Variants in SLC4A10 observed in about 807,000 individuals in gnomAD.
SLC4A10 encodes the protein sodium-driven chloride bicarbonate exchanger.
Under a neutral mutation model 137.7 loss-of-function variants are expected in SLC4A10, and 42 were observed. The observed-to-expected ratio is 0.30, with a 90% CI of 0.24 to 0.39. The LOEUF (loss-of-function observed/expected upper bound fraction) is 0.39. Among genes scored for constraint, SLC4A10 ranks in the 10% least tolerant of loss-of-function variants. The probability of loss-of-function intolerance (pLI) is 1.00; values close to 1 mark genes in which losing one functional copy is unlikely to be tolerated. For missense variants in SLC4A10, 925 were observed against 1,355.0 expected, an observed-to-expected ratio of 0.68 and a Z score of 4.98; for synonymous variants, 474 against 464.1, an observed-to-expected ratio of 1.02 and a Z score of -0.27.
intron 1 of SLC4A10, among the ~76,000 whole-genome samples, chr2:161,723,231 A>G (rs2045881710): frequency 6.6e-6 from 1 of 152,236 alleles, no homozygotes; most frequent in South Asian, 2.1e-4. Context: ...ATCCATGGGA[A>G]AAGTGTGGTT....
intron 1 of SLC4A10, among the ~76,000 whole-genome samples, chr2:161,656,108 A>G (rs963574904): frequency 6.6e-6 from 1 of 152,176 alleles, no homozygotes; most frequent in African/African-American, 2.4e-5. Context: ...CACCAGGCCC[A>G]GCCAAAAATT....
intron 1 of SLC4A10, among the ~76,000 whole-genome samples, chr2:161,651,861 C>T (rs1558948461): frequency 2.6e-5 from 4 of 152,154 alleles, no homozygotes; most frequent in Non-Finnish European, 5.9e-5. Flanking sequence ...TTGCGCAAGC[C>T]GAGTGCACCT....
chr2:161,741,331 TAA>T (rs143163818), intron 1 of SLC4A10, among the ~76,000 whole-genome samples: 1 of 143,950 alleles, frequency 6.9e-6, no homozygotes, highest in African/African-American at 2.6e-5. Flanking sequence ...AAGGCTCCGC[TAA>T]AAAAAAAAGC....
intron 1 of SLC4A10, among the ~76,000 whole-genome samples, chr2:161,720,829 T>C (rs1048514624): frequency 6.7e-6 from 1 of 148,634 alleles, no homozygotes; most frequent in Non-Finnish European, 1.5e-5. Context: ...TGACTCTTTT[T>C]TTTTTTTCTT....
chr2:161,634,391 A>G (rs894458374), intron 1 of SLC4A10, among the ~76,000 whole-genome samples: 8 of 151,868 alleles, frequency 5.3e-5, no homozygotes, highest in Non-Finnish European at 1.2e-4. Context: ...TTTCCCATTG[A>G]AAAGTCAAAA....
chr2:161,919,552 C>A (rs1050521322), intron 15 of SLC4A10, among the ~76,000 whole-genome samples: 1 of 152,162 alleles, frequency 6.6e-6, no homozygotes, highest in African/African-American at 2.4e-5. Flanking sequence ...CCTCACTGGT[C>A]TCTTCTTAGC....
At chr2:161,940,112 T>C (rs1692401331) in intron 15 of SLC4A10, among the ~76,000 whole-genome samples, 1 of 152,170 alleles carries the variant, frequency 6.6e-6, no homozygotes, top group African/African-American at 2.4e-5. Flanking sequence ...GAAACATTTA[T>C]TCCAAAAAGT....
chr2:161,875,308 G>T (rs1010757891), intron 8 of SLC4A10, among the ~76,000 whole-genome samples: 3 of 151,976 alleles, frequency 2.0e-5, no homozygotes, highest in Non-Finnish European at 4.4e-5. Context: ...TAGTCTCCAG[G>T]TTAGTTCTCT....
intron 4 of SLC4A10, among the ~76,000 whole-genome samples, chr2:161,840,965 T>C (rs2059143686): frequency 6.6e-6 from 1 of 152,168 alleles, no homozygotes. Context: ...GAGCTAGCTC[T>C]TGTGAGTTGG....
Position 161,983,189 on chromosome 2 carries a change from C to T in SLC4A10, c.*37C>T, listed in dbSNP as rs1700462027. Reference sequence around the variant, plus strand: ...TTTTTCCTTCTGTAGCATTGAAAGCCGAAAAGAGAAGAAAGCTGACTCAGG... The same window carrying T: ...TTTTTCCTTCTGTAGCATTGAAAGCTGAAAAGAGAAGAAAGCTGACTCAGG... On this transcript the variant is annotated 3_prime_UTR_variant, in exon 27 of 27. Transcript: ENST00000446997. 9.1e-6 allele frequency: 14 copies of T among 1,536,312 alleles called. No individual in the cohort carries two copies. Among genetic ancestry groups the T allele is most frequent in the African/African-American group, 2.7e-5 (2 of 72,930 alleles).
intron 7 of SLC4A10, among the ~76,000 whole-genome samples, 173 bp downstream of exon 7, chr2:161,872,557 C>A (rs1261058088): frequency 2.0e-4 from 26 of 128,908 alleles, no homozygotes; most frequent in African/African-American, 2.3e-4. Flanking sequence ...TTTGCCTATT[C>A]AAAAAAAAAA....
At chr2:161,810,687 G>A (rs1042530935) in intron 3 of SLC4A10, among the ~76,000 whole-genome samples, 6 of 151,892 alleles carry the variant, frequency 4.0e-5, no homozygotes, top group Non-Finnish European at 5.9e-5. Context: ...TGTGTATGTC[G>A]AACCAACCTT....
chr2:161,932,563 G>T (rs1025250804), intron 15 of SLC4A10, among the ~76,000 whole-genome samples: 74 of 152,128 alleles, frequency 4.9e-4, no homozygotes, highest in Admixed American at 4.6e-3. Flanking sequence ...TTTCTATTAG[G>T]ACTTGCCTCT....
At chr2:161,946,402 A>G (rs1202011926) in intron 16 of SLC4A10, among the ~76,000 whole-genome samples, 1 of 151,944 alleles carries the variant, frequency 6.6e-6, no homozygotes, top group African/African-American at 2.4e-5. Context: ...TTTGGAGTGT[A>G]TTTACTTTTT....
chr2:161,704,102 A>G (rs1489179661), intron 1 of SLC4A10, among the ~76,000 whole-genome samples: 1 of 151,630 alleles, frequency 6.6e-6, no homozygotes, highest in East Asian at 1.9e-4. Flanking sequence ...AGTGCTTTCT[A>G]TTGTCCTGCT....
intron 1 of SLC4A10, among the ~76,000 whole-genome samples, chr2:161,660,261 A>G (rs1010949513): frequency 1.3e-5 from 2 of 152,266 alleles, no homozygotes; most frequent in Admixed American, 6.5e-5. Context: ...TTTAGGCTCT[A>G]ACAACTACTA....
At chr2:161,767,734 A>G (rs2051072492) in intron 1 of SLC4A10, among the ~76,000 whole-genome samples, 1 of 152,052 alleles carries the variant, frequency 6.6e-6, no homozygotes, top group Non-Finnish European at 1.5e-5. Flanking sequence ...ATCATTCTTG[A>G]AAAGGATTTG....
intron 3 of SLC4A10, among the ~76,000 whole-genome samples, chr2:161,834,075 T>C (rs968552975): frequency 2.6e-5 from 4 of 152,264 alleles, no homozygotes; most frequent in African/African-American, 9.6e-5. Flanking sequence ...TTCTTTCTTA[T>C]TACAGAAACC....
At chr2:161,693,711 AT>A (rs2042221701) in intron 1 of SLC4A10, among the ~76,000 whole-genome samples, 2 of 137,254 alleles carry the variant, frequency 1.5e-5, no homozygotes, top group Admixed American at 7.7e-5. Context: ...CATATAAGTG[AT>A]ATGTACAGTA....
Sources: gnomAD v4.1 joint callset for allele counts (sites outside exome capture counted in the v4.1 genomes callset) on GRCh38, gnomAD v4.1.1 for gene constraint, MANE v1.5 for transcripts, NCBI Gene and HGNC (gene_info 2026-07-23, HGNC 2026-07-21) for gene names.